The following TRIOBP variants were observed in gnomAD, a reference collection of about 807,000 sequenced individuals.
The protein encoded by TRIOBP is TRIO and F-actin binding protein.
A neutral mutation model predicts 238.8 loss-of-function variants in TRIOBP; 169 were observed. The ratio of observed to expected loss-of-function variants is 0.71; its 90% CI spans 0.62 to 0.80. The LOEUF (loss-of-function observed/expected upper bound fraction) is 0.80, where lower values mean the gene tolerates loss of function less well. Among genes scored for constraint, TRIOBP ranks in the 30% least tolerant of loss-of-function variants. The pLI is 0.00. For synonymous variants in TRIOBP, 1,150 were observed against 1,274.4 expected, an observed-to-expected ratio of 0.90 and a Z score of 2.08; for missense variants, 2,838 against 3,122.6, an observed-to-expected ratio of 0.91 and a Z score of 2.17.
rs560895056 is a variant in TRIOBP at position 37,734,862 on chromosome 22, G to A, written c.4526G>A (p.Arg1509Lys). 7 of 1,612,986 alleles carry A rather than the reference G, an allele frequency of 4.3e-6. No individual in the cohort carries two copies. Among genetic ancestry groups the A allele is most frequent in the Non-Finnish European group, 5.9e-6 (7 of 1,179,976 alleles). The change falls in exon 9 of 24, where the codon AGA becomes AAA. Residue 1509 changes from arginine to lysine, a missense_variant. By Grantham distance (26) the Arg-to-Lys change is conservative. This residue lies in a region of TRIOBP where 2,096 missense variants were observed against 2,137.4 expected (regional missense o/e 0.98). Coordinates refer to ENST00000644935, the MANE Select transcript of TRIOBP (RefSeq NM_001039141.3). Reference protein sequence around the residue: ...THELPRELGKRSPLTSPPENW... With the variant: ...THELPRELGKKSPLTSPPENW... ...GAGCTCCCCAGAGAACTAGGAAAGA[G>A]AAGCCCACTCACGAGCCCCCCTGAG...
At position 37,723,188 on chromosome 22, in the gene TRIOBP, C is replaced by A. The variant is rs2145831905; in HGVS notation, c.632C>A (p.Thr211Asn). Residue 211 changes from threonine to asparagine, a missense_variant, in exon 7 of 24, where the codon ACC (threonine) becomes AAC (asparagine). Thr to Asn is a moderately conservative substitution (Grantham distance 65). Around this residue, in one of 5 missense-constraint regions of TRIOBP, gnomAD observed 535 missense variants for 537.3 expected, o/e 1.00. Transcript: ENST00000644935. ...AGCCCCTCTCTTCTCTCTCCAGACACCGGCGGTGGGGGCCGGAGCGCAGGA... is the reference window on the plus strand; with the variant it reads ...AGCCCCTCTCTTCTCTCTCCAGACAACGGCGGTGGGGGCCGGAGCGCAGGA... The part of the protein sequence containing the change: ...GDAAGQKKED[T>N]GGGGRSAGQH... 2 of 1,613,874 alleles carry A rather than the reference C, an allele frequency of 1.2e-6. No homozygotes were observed. The highest frequency in any genetic ancestry group is 2.2e-5 in the East Asian group (1 of 44,890).
rs1922417114 is a variant in TRIOBP at position 37,697,621 on chromosome 22, C to G, written c.-136C>G. 6.6e-6 allele frequency: 1 copy of G among 152,324 alleles called. No homozygotes were observed. The highest frequency in any genetic ancestry group is 6.5e-5 in the Admixed American group (1 of 15,274). 9.4% of individuals were successfully genotyped at this position (152,324 alleles called of 1,614,324 possible). A position where few individuals can be genotyped will look rare whatever the true frequency, so the allele number is the denominator to read the frequency against. On this transcript the variant is annotated 5_prime_UTR_variant, in exon 2 of 24. Transcript: ENST00000644935. ...ATGGAGGAGCCTTGGCCCTGGCTGT[C>G]CCAGGGGAGGAGGTGAAATTCCTCA... is the stretch of plus-strand genomic sequence containing the variant.
chr22:37,717,751 C>T (rs1294071920), intron 6 of TRIOBP, among the ~76,000 whole-genome samples: 1 of 152,264 alleles, frequency 6.6e-6, no homozygotes, highest in Non-Finnish European at 1.5e-5. Context: ...CAAGTTCCCA[C>T]TACACTCAGG....
rs372266271 is a variant in TRIOBP, at chr22:37,726,112, C to T, written c.3556C>T (p.Leu1186Phe). ...SPPRQAPEPS[L>F]FFQDPPGTSM... The stretch of plus-strand genomic sequence containing the variant: ...ACCACGCCAGGCTCCTGAGCCATCC[C>T]TCTTCTTCCAGGATCCCCCTGGAAC... The change falls in exon 7 of 24, where the codon CTC becomes TTC. Residue 1186 changes from leucine (L) to phenylalanine (F), a missense_variant. Around this residue, in one of 5 missense-constraint regions of TRIOBP, gnomAD observed 2,096 missense variants for 2,137.4 expected, o/e 0.98. Transcript: ENST00000644935. 1.9e-5 allele frequency: 29 copies of T among 1,554,732 alleles called. No individual in the cohort carries two copies. In the South Asian group the frequency reaches 2.1e-4, roughly 11 times the overall value.
chr22:37,714,756 AGCCTT>A (rs1190779745), intron 5 of TRIOBP, among the ~76,000 whole-genome samples: 1 of 152,148 alleles, frequency 6.6e-6, no homozygotes, highest in African/African-American at 2.4e-5. Context: ...GGCTCACTAC[AGCCTT>A]GACTTCCTGG....
chr22:37,706,473 C>T (rs957418134), intron 3 of TRIOBP, among the ~76,000 whole-genome samples: 2 of 152,054 alleles, frequency 1.3e-5, no homozygotes, highest in African/African-American at 4.8e-5. Context: ...CCCCTCCTCC[C>T]CAGGAGCCAA....
intron 3 of TRIOBP, among the ~76,000 whole-genome samples, chr22:37,708,147 G>A (rs1200167382): frequency 6.6e-6 from 1 of 150,882 alleles, no homozygotes; most frequent in Non-Finnish European, 1.5e-5. Context: ...TCGGGAGGCT[G>A]AGGCAGGAGA....
chr22:37,773,040 G>A (rs1017924949), intron 23 of TRIOBP, among the ~76,000 whole-genome samples: 4 of 152,224 alleles, frequency 2.6e-5, no homozygotes, highest in African/African-American at 9.6e-5. Flanking sequence ...TCTTGGGGCT[G>A]GAGGCAAATG....
At chr22:37,730,553 T>G (rs913195704) in intron 7 of TRIOBP, among the ~76,000 whole-genome samples, 3 of 152,140 alleles carry the variant, frequency 2.0e-5, no homozygotes, top group Non-Finnish European at 2.9e-5. Flanking sequence ...GTCTGGGCTC[T>G]TGCTTCATCG....
intron 5 of TRIOBP, 33 bp from the exon 6 acceptor site, chr22:37,715,730 G>A (rs745743440): frequency 6.8e-6 from 11 of 1,609,090 alleles, no homozygotes; most frequent in Middle Eastern, 1.6e-4. Flanking sequence ...TTTTTCTCCC[G>A]CAAACATACT....
chr22:37,762,561 C>T (rs1926297697), intron 17 of TRIOBP, among the ~76,000 whole-genome samples: 1 of 152,184 alleles, frequency 6.6e-6, no homozygotes, highest in African/African-American at 2.4e-5. Context: ...CCCCAGGTGC[C>T]CCATTGGGTG....
rs532037492 is a variant in TRIOBP at position 37,753,042 on chromosome 22, G to A, written c.5379+1214G>A. On this transcript the variant is annotated intron_variant, in intron 12 of 23. Coordinates refer to ENST00000644935, the MANE Select transcript of TRIOBP (RefSeq NM_001039141.3). ...CCTGGAAGAGCTAAAGAAACCTCTTGGCATAGAACCCCTGTCCTACTTTAC... is the reference window on the plus strand; with the variant it reads ...CCTGGAAGAGCTAAAGAAACCTCTTAGCATAGAACCCCTGTCCTACTTTAC... Among the ~76,000 whole-genome samples the A allele has an allele frequency of 3.3e-5, 5 of 152,304 alleles. No individual in the cohort carries two copies. In the East Asian group the frequency reaches 9.6e-4, roughly 29 times the overall value.
At position 37,759,139 on chromosome 22, in the gene TRIOBP, C is replaced by T; in HGVS notation, c.6214-15C>T. 2 of 1,602,130 alleles carry T rather than the reference C, an allele frequency of 1.2e-6. No individual in the cohort carries two copies. Among genetic ancestry groups the T allele is most frequent in the Non-Finnish European group, 1.7e-6 (2 of 1,174,598 alleles). On this transcript the variant is annotated splice_polypyrimidine_tract_variant and intron_variant, in intron 16 of 23. Transcript: ENST00000644935. Reference sequence around the variant, plus strand: ...CCAGCTTCCAGGTCCCACTGACCACCCTTCTCCCTCGTAGGTTCAGGCTCT... The same window carrying T: ...CCAGCTTCCAGGTCCCACTGACCACTCTTCTCCCTCGTAGGTTCAGGCTCT...
At chr22:37,729,193 T>C (rs1057140244) in intron 7 of TRIOBP, among the ~76,000 whole-genome samples, 6 of 151,818 alleles carry the variant, frequency 4.0e-5, no homozygotes, top group Non-Finnish European at 7.4e-5. Context: ...GCTGGGATTA[T>C]AGGCGTGAGC....
At chr22:37,729,571 C>A (rs892293954) in intron 7 of TRIOBP, among the ~76,000 whole-genome samples, 1 of 152,154 alleles carries the variant, frequency 6.6e-6, no homozygotes, top group Non-Finnish European at 1.5e-5. Flanking sequence ...ACATTAAGGT[C>A]TTTAAGCCAA....
At chr22:37,733,867 C>T (rs376898152) in intron 8 of TRIOBP, among the ~76,000 whole-genome samples, 1 of 152,102 alleles carries the variant, frequency 6.6e-6, no homozygotes, top group Non-Finnish European at 1.5e-5. Flanking sequence ...GACAGGGTTT[C>T]ACCATGTTGG....
chr22:37,772,053 C>T (rs954254970), intron 22 of TRIOBP, among the ~76,000 whole-genome samples: 10 of 152,188 alleles, frequency 6.6e-5, no homozygotes, highest in African/African-American at 2.4e-4. Flanking sequence ...ACAAAATAAC[C>T]CCAAATCTCT....
At chr22:37,733,508 G>C in intron 8 of TRIOBP, 96 bp downstream of exon 8, 1 of 963,276 alleles carries the variant, frequency 1.0e-6, no homozygotes, top group Non-Finnish European at 1.6e-6. Context: ...TGGACAGGAA[G>C]GTCCTCTATG....
At chr22:37,712,565 C>T (rs1022298896) in intron 4 of TRIOBP, among the ~76,000 whole-genome samples, 1 of 151,934 alleles carries the variant, frequency 6.6e-6, no homozygotes, top group Non-Finnish European at 1.5e-5. Context: ...GGACTACTGA[C>T]CTCAGGTGAT....
Sources: allele counts gnomAD v4.1 joint callset (sites outside exome capture counted in the v4.1 genomes callset), GRCh38; gene constraint gnomAD v4.1.1; regional missense constraint gnomAD v4.1.1; transcripts MANE v1.5; gene names NCBI Gene and HGNC (gene_info 2026-07-23, HGNC 2026-07-21).